Variants in ZNF503 observed in about 807,000 individuals in gnomAD.
ZNF503 encodes NocA-like zinc finger 2.
A neutral mutation model predicts 34.4 loss-of-function variants in ZNF503; 15 were observed. The ratio of observed to expected loss-of-function variants is 0.44; its 90% CI spans 0.29 to 0.67. The LOEUF is 0.67. Ranked by LOEUF, ZNF503 falls within the 30% of genes least tolerant of loss-of-function variation. ZNF503 has a pLI of 0.13. For missense variants in ZNF503, 1,007 were observed against 926.8 expected (o/e 1.09, Z -1.12); for synonymous variants, 580 against 456.8 (o/e 1.27, Z -3.44).
At chr10:75,362,291 A>G in the ZNF503 span, among the ~76,000 whole-genome samples, 2 of 151,908 alleles carry the variant, frequency 1.3e-5, no homozygotes, top group Admixed American at 6.6e-5. Flanking sequence ...CACTCTGCAA[A>G]GGGGTTTTAA....
the ZNF503 span, among the ~76,000 whole-genome samples, chr10:75,361,927 C>G: frequency 6.6e-6 from 1 of 152,194 alleles, no homozygotes; most frequent in Admixed American, 6.5e-5. Flanking sequence ...TAAAAGGGAG[C>G]CCATACACTT....
chr10:75,312,094 T>C, the ZNF503 span, among the ~76,000 whole-genome samples: 1 of 152,132 alleles, frequency 6.6e-6, no homozygotes, highest in Non-Finnish European at 1.5e-5. Flanking sequence ...CTTTCAAATC[T>C]GTCAGATAAT....
At chr10:75,325,087 CT>C in the ZNF503 span, among the ~76,000 whole-genome samples, 3 of 151,998 alleles carry the variant, frequency 2.0e-5, no homozygotes, top group African/African-American at 7.3e-5. Context: ...TACACATATG[CT>C]TTTAATTATC....
At chr10:75,336,875 A>C in the ZNF503 span, among the ~76,000 whole-genome samples, 1 of 152,194 alleles carries the variant, frequency 6.6e-6, no homozygotes, top group African/African-American at 2.4e-5. Flanking sequence ...TAATCTCAGC[A>C]ACAGAGAATT....
the ZNF503 span, among the ~76,000 whole-genome samples, chr10:75,291,799 A>G: frequency 6.6e-6 from 1 of 152,206 alleles, no homozygotes; most frequent in South Asian, 2.1e-4. Flanking sequence ...TTGGCCCTGG[A>G]GGACTTCTGA....
chr10:75,374,163 T>C, the ZNF503 span, among the ~76,000 whole-genome samples: 15 of 151,982 alleles, frequency 9.9e-5, no homozygotes, highest in African/African-American at 3.6e-4. Context: ...AATACAACAA[T>C]TAGCAGGCCA....
At chr10:75,311,421 A>C in the ZNF503 span, among the ~76,000 whole-genome samples, 1 of 152,286 alleles carries the variant, frequency 6.6e-6, no homozygotes, top group East Asian at 1.9e-4. Flanking sequence ...TCAAATTGAC[A>C]CTCAATATTA....
In ZNF503 at chr10:75,398,815, C is replaced by G. The variant is rs767054410; in HGVS notation, c.1875G>C (p.Pro625=). Residue 625 remains proline, a synonymous_variant, in exon 2 of 2, where the codon CCG becomes CCC. Coordinates refer to ENST00000372524, the MANE Select transcript of ZNF503 (RefSeq NM_032772.6). The part of the protein sequence containing the change: ...APVPVPAATG[P]YYSPYALYGQ... ...CGTAGAGGGCGTAGGGGGAGTAGTA[C>G]GGTCCGGTGGCGGCGGGCACCGGCA... 6.7e-7 allele frequency: 1 copy of G among 1,495,902 alleles called. No individual in the cohort carries two copies. The highest frequency in any genetic ancestry group is 8.9e-7 in the Non-Finnish European group (1 of 1,128,890). 92.7% of individuals were successfully genotyped at this position (1,495,902 alleles called of 1,614,324 possible).
intron 1 of ZNF503, 88 bp from the exon 2 acceptor site, chr10:75,400,462 T>C: frequency 6.8e-7 from 1 of 1,462,796 alleles, no homozygotes; most frequent in Non-Finnish European, 9.0e-7. Context: ...TTCAAATGCC[T>C]CTCCGCAACA....
At chr10:75,377,590 G>A in the ZNF503 span, among the ~76,000 whole-genome samples, 3 of 152,306 alleles carry the variant, frequency 2.0e-5, no homozygotes, top group East Asian at 5.8e-4. Flanking sequence ...AGTGCATCAA[G>A]AGAGGTGCCT....
At position 75,401,756 on chromosome 10, in the gene ZNF503, C is replaced by T. The variant is rs555023176; in HGVS notation, c.-337G>A. The T allele has an allele frequency of 7.0e-5, 24 of 343,630 alleles. No individual in the cohort carries two copies. The South Asian group carries it at 1.1e-3, about 16-fold the overall frequency. 21.3% of individuals were successfully genotyped at this position (343,630 alleles called of 1,614,324 possible). ...CGATGCGAGCCGCTGCGTGTCCAGC[C>T]GGGGCTCTGGCGAGGAAACTCACTT... is the stretch of plus-strand genomic sequence containing the variant. On this transcript the variant is annotated 5_prime_UTR_variant, in exon 1 of 2. Transcript: ENST00000372524.
the ZNF503 span, among the ~76,000 whole-genome samples, chr10:75,346,541 C>T: frequency 3.9e-5 from 6 of 151,918 alleles, no homozygotes; most frequent in African/African-American, 1.5e-4. Context: ...GGCAATCCTC[C>T]TGCCTCAGCC....
In ZNF503 at chr10:75,400,872, T is replaced by C. The variant is rs566385452; in HGVS notation, c.315+233A>G. The C allele has an allele frequency of 2.4e-4, 153 of 645,918 alleles. No individual in the cohort carries two copies. The African/African-American group carries it at 2.5e-3, about 11-fold the overall frequency. The allele number at this position is 645,918 out of a possible 1,614,324, so 40.0% of individuals were successfully genotyped here. Reference sequence around the variant, plus strand: ...GCCTGGGTCGGGGTAGGGGCTTTCATATCGAAAGGAGAAACAAGTATTGGC... The same window carrying C: ...GCCTGGGTCGGGGTAGGGGCTTTCACATCGAAAGGAGAAACAAGTATTGGC... On this transcript the variant is annotated intron_variant, in intron 1 of 1. Transcript: ENST00000372524.
chr10:75,322,038 C>T, the ZNF503 span, among the ~76,000 whole-genome samples: 3 of 151,972 alleles, frequency 2.0e-5, no homozygotes, highest in Non-Finnish European at 4.4e-5. Context: ...TATTAAAGCC[C>T]AATACGAAAT....
the ZNF503 span, among the ~76,000 whole-genome samples, chr10:75,282,274 G>A: frequency 1.5e-4 from 21 of 139,788 alleles, no homozygotes; most frequent in Admixed American, 1.4e-3. Context: ...GAAGTCTGCT[G>A]GGGAGGGTTC....
intron 1 of ZNF503, among the ~76,000 whole-genome samples, chr10:75,400,753 G>A (rs961008885): frequency 6.6e-6 from 1 of 152,226 alleles, no homozygotes; most frequent in Non-Finnish European, 1.5e-5. Flanking sequence ...CGCCTCAGAG[G>A]CTGTGTGCAC....
At position 75,400,312 on chromosome 10, in the gene ZNF503, G is replaced by C. The variant is rs1289001858; in HGVS notation, c.378C>G (p.Pro126=). 3 of 1,612,830 alleles carry C rather than the reference G, an allele frequency of 1.9e-6. No homozygotes were observed. Among genetic ancestry groups the C allele is most frequent in the South Asian group, 1.1e-5 (1 of 90,996 alleles). The change falls in exon 2 of 2, where the codon CCC becomes CCG. Residue 126 remains proline, a synonymous_variant. Transcript: ENST00000372524. ...AGAGTTTGGAGGAGGGCGAGGGGTCGGGCTTCCCGATCTGCGAACATGTTT... is the reference window on the plus strand; with the variant it reads ...AGAGTTTGGAGGAGGGCGAGGGGTCCGGCTTCCCGATCTGCGAACATGTTT... ...LAQTCSQIGK[P]DPSPSSKLSS...
the ZNF503 span, among the ~76,000 whole-genome samples, chr10:75,356,053 AGT>A: frequency 3.9e-5 from 6 of 152,324 alleles, 1 homozygote; most frequent in South Asian, 8.3e-4. Context: ...GAGAGTGACA[AGT>A]GAAAGCCACA....
At chr10:75,325,575 G>GAA in the ZNF503 span, among the ~76,000 whole-genome samples, 1 of 152,168 alleles carries the variant, frequency 6.6e-6, no homozygotes, top group South Asian at 2.1e-4. Context: ...TCTACTTTTT[G>GAA]AAATTGTTTT....
Sources: gnomAD v4.1 joint callset for allele counts (sites outside exome capture counted in the v4.1 genomes callset) on GRCh38, gnomAD v4.1.1 for gene constraint, MANE v1.5 for transcripts, NCBI Gene and HGNC (gene_info 2026-07-23, HGNC 2026-07-21) for gene names.